The following PSMG2 variants were observed in gnomAD, a reference collection of about 807,000 sequenced individuals.
PSMG2 encodes the protein proteasome assembly chaperone 2.
PSMG2 carries 21 observed loss-of-function variants against 31.5 expected under a neutral mutation model. That is an observed-to-expected ratio of 0.67 (90% CI 0.47 to 0.96). PSMG2 has a LOEUF of 0.96. Ranked by LOEUF, PSMG2 falls within the 40% of genes least tolerant of loss-of-function variation. The pLI is 0.00. For missense variants in PSMG2, 318 were observed against 321.2 expected (o/e 0.99, Z 0.08); for synonymous variants, 120 against 110.4 (o/e 1.09, Z -0.54).
intron 1 of PSMG2, chr18:12,697,271 C>T: frequency 6.8e-6 from 11 of 1,613,942 alleles, no homozygotes; most frequent in Non-Finnish European, 8.5e-6. Context: ...TTTTCTGAGC[C>T]CAAAACCGAT....
At chr18:12,698,946 T>A (rs992763426), upstream of PSMG2, 3 of 1,392,028 alleles carry the variant, frequency 2.2e-6, no homozygotes, top group African/African-American at 4.3e-5. Flanking sequence ...AAAGATTTAC[T>A]CAATTAAATG....
intron 1 of PSMG2, chr18:12,680,854 T>C (rs1355722492): frequency 4.4e-6 from 7 of 1,583,290 alleles, no homozygotes; most frequent in Admixed American, 3.6e-5. Context: ...AAATGAAGTA[T>C]TCATTCTTCC....
In PSMG2 at chr18:12,668,316, G is replaced by A. The variant is rs184681006; in HGVS notation, c.-37+9543G>A. Among the ~76,000 whole-genome samples the A allele has an allele frequency of 2.4e-3, 370 of 151,834 alleles. 8 individuals are homozygous for A. The highest frequency in any genetic ancestry group is 9.7e-4 in the East Asian group (5 of 5,152). ...GCCAAAAAAAGTGGATGGAGGCTGG[G>A]TGCCGTCGCAGATGCCAATAATCTC... On this transcript the variant is annotated intron_variant, in intron 1 of 6. Coordinates refer to the PSMG2 transcript ENST00000585331.
At chr18:12,720,893 C>A (rs1011878983) in intron 5 of PSMG2, among the ~76,000 whole-genome samples, 1 of 152,150 alleles carries the variant, frequency 6.6e-6, no homozygotes, top group African/African-American at 2.4e-5. Flanking sequence ...AGGCCGGGCA[C>A]GGTGGCTCAC....
chr18:12,689,548 T>C (rs2039671754), intron 1 of PSMG2, among the ~76,000 whole-genome samples: 1 of 152,068 alleles, frequency 6.6e-6, no homozygotes, highest in African/African-American at 2.4e-5. Context: ...GTTCAAATCT[T>C]AAAATGAATT....
At chr18:12,690,776 T>C (rs2039726835) in intron 1 of PSMG2, among the ~76,000 whole-genome samples, 1 of 152,132 alleles carries the variant, frequency 6.6e-6, no homozygotes, top group African/African-American at 2.4e-5. Context: ...ATATTTTATA[T>C]TGGTCTGTTA....
chr18:12,687,028 G>C (rs573528987), intron 1 of PSMG2, among the ~76,000 whole-genome samples: 1 of 152,120 alleles, frequency 6.6e-6, no homozygotes, highest in South Asian at 2.1e-4. Flanking sequence ...ATATCTCCTG[G>C]TGTTGGTGCT....
intron 1 of PSMG2, among the ~76,000 whole-genome samples, chr18:12,666,273 G>A (rs761023512): frequency 1.3e-5 from 2 of 152,008 alleles, no homozygotes; most frequent in Non-Finnish European, 2.9e-5. Context: ...GGTTAAAAGT[G>A]AGCTGTGATC....
intron 4 of PSMG2, among the ~76,000 whole-genome samples, chr18:12,719,804 A>G (rs34847769): frequency 0.25 from 37,038 of 149,610 alleles, 5,066 homozygotes; most frequent in Non-Finnish European, 0.32. Context: ...AGTCACTGCA[A>G]CCTCTGCCTC....
intron 1 of PSMG2, chr18:12,684,720 T>G (rs905304943): frequency 6.6e-6 from 1 of 151,896 alleles, no homozygotes; most frequent in Non-Finnish European, 1.5e-5. Context: ...CGACCACAGG[T>G]GATCCACCCT....
chr18:12,704,856 G>A (rs1381029753), intron 1 of PSMG2, among the ~76,000 whole-genome samples: 1 of 152,140 alleles, frequency 6.6e-6, no homozygotes, highest in African/African-American at 2.4e-5. Flanking sequence ...GAGGTAACTA[G>A]GCAATTGGTA....
At chr18:12,708,003 C>T (rs747156399) in intron 2 of PSMG2, among the ~76,000 whole-genome samples, 2 of 152,064 alleles carry the variant, frequency 1.3e-5, no homozygotes, top group Non-Finnish European at 2.9e-5. Flanking sequence ...AATTCATGAC[C>T]GGGTGCGTTG....
At chr18:12,703,188 G>T (rs754315107) in intron 1 of PSMG2, 24 bp downstream of exon 1, 2 of 1,596,448 alleles carry the variant, frequency 1.3e-6, no homozygotes, top group Non-Finnish European at 1.7e-6. Flanking sequence ...TGCGCTCGGG[G>T]CTGCCGCCTC....
chr18:12,686,202 T>C, intron 1 of PSMG2: 4 of 1,361,000 alleles, frequency 2.9e-6, no homozygotes, highest in Non-Finnish European at 4.1e-6. Context: ...TACAAATGGA[T>C]TACAAATTCA....
At position 12,718,632 on chromosome 18, in the gene PSMG2, G is replaced by A. The variant is rs149855681; in HGVS notation, c.404G>A (p.Arg135His). The A allele has an allele frequency of 1.7e-4, 266 of 1,592,748 alleles. 2 individuals carry two copies. The African/African-American group carries it at 3.1e-3, about 19-fold the overall frequency. ...TATCAGCGTAATGATCTGCAGCTTCGTAGGTATGTTTCTGCCTCTGGAAAG... is the reference window on the plus strand; with the variant it reads ...TATCAGCGTAATGATCTGCAGCTTCATAGGTATGTTTCTGCCTCTGGAAAG... ...HSYQRNDLQLRSTPFRYLLTP... is the reference protein window; with the variant it reads ...HSYQRNDLQLHSTPFRYLLTP... Residue 135 changes from arginine (R) to histidine (H), a missense_variant, in exon 4 of 7, where the codon CGT becomes CAT. By Grantham distance (29) the Arg-to-His change is conservative. Transcript: ENST00000317615.
At chr18:12,681,970 T>G (rs560920662) in intron 1 of PSMG2, among the ~76,000 whole-genome samples, 1 of 150,624 alleles carries the variant, frequency 6.6e-6, no homozygotes, top group Non-Finnish European at 1.5e-5. Flanking sequence ...CACTCCAGCC[T>G]GGACAACAGA....
At chr18:12,682,061 G>T (rs953755027) in intron 1 of PSMG2, among the ~76,000 whole-genome samples, 1 of 151,852 alleles carries the variant, frequency 6.6e-6, no homozygotes, top group Non-Finnish European at 1.5e-5. Flanking sequence ...AAATTACCAA[G>T]ATATTAAACA....
intron 1 of PSMG2, among the ~76,000 whole-genome samples, chr18:12,664,089 G>T (rs1001987263): frequency 2.6e-5 from 4 of 152,144 alleles, no homozygotes; most frequent in African/African-American, 9.7e-5. Context: ...GCTTGAACCC[G>T]GAGGGGCGGT....
intron 3 of PSMG2, among the ~76,000 whole-genome samples, chr18:12,714,065 A>C (rs1241362253): frequency 6.6e-6 from 1 of 152,148 alleles, no homozygotes; most frequent in Non-Finnish European, 1.5e-5. Flanking sequence ...AGAATTTGTT[A>C]GTCATTGGTT....
Sources: allele counts gnomAD v4.1 joint callset (sites outside exome capture counted in the v4.1 genomes callset), GRCh38; gene constraint gnomAD v4.1.1; transcripts MANE v1.5; gene names NCBI Gene and HGNC (gene_info 2026-07-23, HGNC 2026-07-21).